The following SLC6A11 variants were observed in gnomAD, a reference collection of about 807,000 sequenced individuals.
SLC6A11 encodes solute carrier family 6 member 11, also known as sodium- and chloride-dependent GABA transporter 3.
A neutral mutation model predicts 74.8 loss-of-function variants in SLC6A11; 25 were observed. The observed-to-expected ratio is 0.33, with a 90% CI of 0.24 to 0.47. The LOEUF (loss-of-function observed/expected upper bound fraction) is 0.47. Ranked by LOEUF, SLC6A11 falls within the 20% of genes least tolerant of loss-of-function variation. The pLI is 1.00. For synonymous variants in SLC6A11, 330 were observed against 330.2 expected, an observed-to-expected ratio of 1.00 and a Z score of 0.01; for missense variants, 574 against 837.0, an observed-to-expected ratio of 0.69 and a Z score of 3.88.
At chr3:10,892,694 TGGCAAAGCCCA>T (rs1445886801) in intron 6 of SLC6A11, among the ~76,000 whole-genome samples, 1 of 152,114 alleles carries the variant, frequency 6.6e-6, no homozygotes, top group Non-Finnish European at 1.5e-5. Flanking sequence ...TAATAAAAGC[TGGCAAAGCCCA>T]GGAATTAGTC....
chr3:10,848,723 G>A (rs1244229801), intron 5 of SLC6A11, among the ~76,000 whole-genome samples: 1 of 152,190 alleles, frequency 6.6e-6, no homozygotes, highest in Non-Finnish European at 1.5e-5. Context: ...CAAGTAAGCA[G>A]TTTAACTCTG....
At chr3:10,834,278 A>G (rs1694337367) in intron 4 of SLC6A11, among the ~76,000 whole-genome samples, 3 of 151,420 alleles carry the variant, frequency 2.0e-5, no homozygotes, top group African/African-American at 7.3e-5. Context: ...CCAGGTGCAG[A>G]GTCGGACTGC....
chr3:10,921,281 G>T (rs193167578), intron 8 of SLC6A11, among the ~76,000 whole-genome samples: 1 of 152,136 alleles, frequency 6.6e-6, no homozygotes, highest in Non-Finnish European at 1.5e-5. Flanking sequence ...TGGAGTATGT[G>T]GTCCACTTGT....
At chr3:10,854,599 C>T (rs1053513180) in intron 5 of SLC6A11, among the ~76,000 whole-genome samples, 27 of 152,288 alleles carry the variant, frequency 1.8e-4, no homozygotes, top group African/African-American at 6.0e-4. Flanking sequence ...TCCAGGGTCT[C>T]ATGCTGTTAT....
intron 4 of SLC6A11, chr3:10,825,028 A>T (rs1266613789): frequency 6.6e-6 from 1 of 152,156 alleles, no homozygotes; most frequent in Non-Finnish European, 1.5e-5. Flanking sequence ...TACTAAAAAT[A>T]CAAAAATTAG....
At position 10,873,553 on chromosome 3, in the gene SLC6A11, C is replaced by CCTAT. The variant is rs1559566896; in HGVS notation, c.757-1407_757-1406insTATC. ...TCCTGTCCTATCCTATCCTATCCTA[C>CCTAT]CCTACCCTACCCTACCCTACCCTAC... On this transcript the variant is annotated intron_variant, in intron 5 of 13. Transcript: ENST00000254488. Among the ~76,000 whole-genome samples the CCTAT allele has an allele frequency of 3.4e-5, 3 of 88,202 alleles. No individual in the cohort carries two copies. The East Asian group carries it at 1.3e-3, about 38-fold the overall frequency. The allele number at this position is 88,202 out of a possible 152,430, so 57.9% of individuals were successfully genotyped here. A position where few individuals can be genotyped will look rare whatever the true frequency, so the allele number is the denominator to read the frequency against.
In SLC6A11 at chr3:10,926,524, C is replaced by G. The variant is rs1695609442; in HGVS notation, c.1233+408C>G. Among the ~76,000 whole-genome samples, 1 of 152,168 alleles carries G rather than the reference C, an allele frequency of 6.6e-6. No homozygotes were observed. Among genetic ancestry groups the G allele is most frequent in the Non-Finnish European group, 1.5e-5 (1 of 68,030 alleles). ...CACAGCATGCATGTCCCCATCCCAA[C>G]CCAATCATTGAGGACACGGACACAT... On this transcript the variant is annotated intron_variant, in intron 9 of 13. Coordinates refer to ENST00000254488, the MANE Select transcript of SLC6A11 (RefSeq NM_014229.3). This position sits in a 1 kb window ranked among gnomAD's most constrained non-coding sequence, Gnocchi z 5.7.
intron 5 of SLC6A11, among the ~76,000 whole-genome samples, chr3:10,854,504 G>A (rs550393764): frequency 6.6e-5 from 10 of 152,350 alleles, no homozygotes; most frequent in Middle Eastern, 3.4e-3. Flanking sequence ...TGTAATCAGA[G>A]CTAACACTGC....
intron 5 of SLC6A11, among the ~76,000 whole-genome samples, chr3:10,851,082 G>A (rs978715830): frequency 5.3e-5 from 8 of 152,138 alleles, no homozygotes; most frequent in African/African-American, 1.9e-4. Flanking sequence ...CCAGCGGACA[G>A]TCAGAGTGTC....
chr3:10,866,706 C>T (rs756836404), intron 5 of SLC6A11, among the ~76,000 whole-genome samples: 5 of 152,300 alleles, frequency 3.3e-5, no homozygotes, highest in Non-Finnish European at 7.4e-5. Flanking sequence ...AGAAATGCCA[C>T]TGTTTTCTTG....
chr3:10,910,953 CTGGG>C (rs1695377977), intron 6 of SLC6A11, among the ~76,000 whole-genome samples: 1 of 151,728 alleles, frequency 6.6e-6, no homozygotes, highest in Admixed American at 6.6e-5. Context: ...TCCCACGTAG[CTGGG>C]ATTACAGGCC....
chr3:10,826,574 TTGTC>T (rs760863587), intron 4 of SLC6A11, among the ~76,000 whole-genome samples: 4 of 152,256 alleles, frequency 2.6e-5, no homozygotes, highest in Non-Finnish European at 5.9e-5. Context: ...TATTTGTTCA[TTGTC>T]TGTATTCCCC....
Position 10,816,918 on chromosome 3 carries a change from A to G in SLC6A11, c.256+397A>G, listed in dbSNP as rs557462962. Among the ~76,000 whole-genome samples, 1 of 152,336 alleles carries G rather than the reference A, an allele frequency of 6.6e-6. No homozygotes were observed. Among genetic ancestry groups the G allele is most frequent in the African/African-American group, 2.4e-5 (1 of 41,590 alleles). On this transcript the variant is annotated intron_variant, in intron 1 of 13. Transcript: ENST00000254488. This position sits in a 1 kb window ranked among gnomAD's most constrained non-coding sequence, Gnocchi z 4.2. ...GACTCCTGATGATCAAAGTGGTCTC[A>G]GTTTTTGCGCGCTTACTGAAGTGCC...
chr3:10,909,820 G>A (rs541839331), intron 6 of SLC6A11, among the ~76,000 whole-genome samples: 23 of 152,296 alleles, frequency 1.5e-4, no homozygotes, highest in Middle Eastern at 3.4e-3. Context: ...GAGACAAAGC[G>A]GGAGGAATTA....
intron 13 of SLC6A11, 62 bp from the exon 14 acceptor site, chr3:10,938,188 C>T (rs554672879): frequency 9.5e-6 from 14 of 1,479,864 alleles, no homozygotes; most frequent in Middle Eastern, 4.3e-4. Flanking sequence ...GGAGAGGCCA[C>T]GGCAGACCCT....
chr3:10,878,981 A>G (rs577049812), intron 6 of SLC6A11, among the ~76,000 whole-genome samples: 83 of 152,322 alleles, frequency 5.4e-4, no homozygotes, highest in African/African-American at 1.4e-3. Flanking sequence ...CAGGGTGGCC[A>G]CTGGCTGAGA....
chr3:10,865,006 C>T (rs944896208), intron 5 of SLC6A11, among the ~76,000 whole-genome samples: 15 of 152,244 alleles, frequency 9.9e-5, no homozygotes, highest in African/African-American at 3.6e-4. Flanking sequence ...ACAGCTGAGA[C>T]AGAGCTGATT....
chr3:10,853,010 C>T (rs1256348347), intron 5 of SLC6A11, among the ~76,000 whole-genome samples: 1 of 152,156 alleles, frequency 6.6e-6, no homozygotes, highest in Non-Finnish European at 1.5e-5. Context: ...TGTGAGTTAG[C>T]GTGGGCCATC....
intron 6 of SLC6A11, among the ~76,000 whole-genome samples, chr3:10,898,608 T>G (rs543378368): frequency 1.3e-5 from 2 of 152,354 alleles, no homozygotes; most frequent in South Asian, 4.1e-4. Flanking sequence ...CATCTCCATC[T>G]GAGACCACCT....
Sources: gnomAD v4.1 joint callset for allele counts (sites outside exome capture counted in the v4.1 genomes callset) on GRCh38, gnomAD v4.1.1 for gene constraint, Gnocchi (gnomAD v3.1) non-coding constraint, MANE v1.5 for transcripts, NCBI Gene and HGNC (gene_info 2026-07-23, HGNC 2026-07-21) for gene names.